Variants in FOXN4 observed in about 807,000 individuals in gnomAD.
FOXN4 encodes the protein forkhead box N4, also known as forkhead box protein N4.
A neutral mutation model predicts 45.0 loss-of-function variants in FOXN4; 12 were observed. The observed-to-expected ratio is 0.27, with a 90% CI of 0.17 to 0.43. FOXN4 has a LOEUF of 0.43. Among genes scored for constraint, FOXN4 ranks in the 20% least tolerant of loss-of-function variants. FOXN4 has a pLI of 1.00. For missense variants in FOXN4, 560 were observed against 694.9 expected (o/e 0.81, Z 2.18); for synonymous variants, 297 against 295.0 (o/e 1.01, Z -0.07).
intron 7 of FOXN4, 122 bp from the exon 8 acceptor site, chr12:109,285,633 G>T: frequency 1.0e-6 from 1 of 986,402 alleles, no homozygotes; most frequent in Non-Finnish European, 1.5e-6. Flanking sequence ...GACAGTGCCT[G>T]ACACTCAGCC....
At chr12:109,303,548 G>C (rs1485280485) in intron 2 of FOXN4, among the ~76,000 whole-genome samples, 2 of 152,228 alleles carry the variant, frequency 1.3e-5, no homozygotes, top group Non-Finnish European at 2.9e-5. Flanking sequence ...CATCCAGAGA[G>C]AGGAAGGGCT....
At chr12:109,305,373 A>T (rs1345575658) in intron 2 of FOXN4, among the ~76,000 whole-genome samples, 1 of 144,346 alleles carries the variant, frequency 6.9e-6, no homozygotes, top group African/African-American at 2.5e-5. Context: ...AGCTGCTATT[A>T]TTATTGTTGT....
rs1024499131 is a variant in FOXN4, at chr12:109,291,554, C to T, written c.87-1268G>A. Among the ~76,000 whole-genome samples the T allele has an allele frequency of 2.8e-4, 43 of 152,224 alleles. No homozygotes were observed. The highest frequency in any genetic ancestry group is 1.0e-3 in the African/African-American group (42 of 41,542). ...CCTCCCTCCATCTGCTTGGCCAGCT[C>T]TGCCTCACGTTCTCCCTCTCCCTCC... is the stretch of plus-strand genomic sequence containing the variant. On this transcript the variant is annotated intron_variant, in intron 2 of 9. Coordinates refer to ENST00000299162, the MANE Select transcript of FOXN4 (RefSeq NM_213596.3). The surrounding 1 kb of genome is among the most constrained non-coding windows in gnomAD (Gnocchi z 6.6).
rs538724008 is a variant in FOXN4 at position 109,291,944 on chromosome 12, C to G, written c.87-1658G>C. Among the ~76,000 whole-genome samples, 5 of 149,146 alleles carry G rather than the reference C, an allele frequency of 3.4e-5. No homozygotes were observed. In the South Asian group the frequency reaches 1.0e-3, roughly 31 times the overall value. On this transcript the variant is annotated intron_variant, in intron 2 of 9. Transcript: ENST00000299162. This position sits in a 1 kb window ranked among gnomAD's most constrained non-coding sequence, Gnocchi z 6.6. ...CCCCGGCTGCCACCCCTCCGGCCGC[C>G]ACCCCTCCGGCTGCCACCCCTCCGG... is the stretch of plus-strand genomic sequence containing the variant.
chr12:109,296,971 C>G (rs2136937739), intron 2 of FOXN4, among the ~76,000 whole-genome samples: 1 of 152,346 alleles, frequency 6.6e-6, no homozygotes, highest in East Asian at 1.9e-4. Context: ...TCGTCACCAC[C>G]TTCCCATTTG....
chr12:109,308,683 C>T (rs1370430540), intron 1 of FOXN4, among the ~76,000 whole-genome samples: 1 of 152,140 alleles, frequency 6.6e-6, no homozygotes, highest in Non-Finnish European at 1.5e-5. Context: ...TTTTCAACCT[C>T]AGTTTGGTTA....
chr12:109,281,926 C>T (rs1413467398), intron 8 of FOXN4, 127 bp from the exon 9 acceptor site: 3 of 1,059,180 alleles, frequency 2.8e-6, no homozygotes, highest in African/African-American at 3.2e-5. Context: ...CACTCAGAAC[C>T]TCTGTCTCCT....
intron 9 of FOXN4, among the ~76,000 whole-genome samples, chr12:109,280,158 C>T (rs902383067): frequency 6.6e-6 from 1 of 152,132 alleles, no homozygotes; most frequent in African/African-American, 2.4e-5. Context: ...GCCTGGCCAA[C>T]ATGGCAAAAC....
rs1219103189 is a variant in FOXN4 at position 109,308,240 on chromosome 12, A to G, written c.82T>C (p.Tyr28His). The G allele has an allele frequency of 3.2e-6, 5 of 1,550,082 alleles. No homozygotes were observed. Among genetic ancestry groups the G allele is most frequent in the Non-Finnish European group, 4.4e-6 (5 of 1,145,366 alleles). ...GQNHHPSPQE[Y>H]RLLATTSDDD... ...TGTTATTGTTGGAGCCCTCACCTGT[A>G]TTCCTGTGGAGAGGGGTGGTGATTT... The change falls in exon 2 of 10, where the codon TAC (tyrosine) becomes CAC (histidine). Residue 28 changes from tyrosine (Y) to histidine (H), a missense_variant. Physicochemically the swap from Tyr to His is moderately conservative, Grantham distance 83 (BLOSUM62 2). Transcript: ENST00000299162.
chr12:109,282,107 C>T (rs971881369), intron 8 of FOXN4, among the ~76,000 whole-genome samples: 3 of 152,172 alleles, frequency 2.0e-5, no homozygotes, highest in African/African-American at 7.2e-5. Context: ...CCTCTGCACA[C>T]GGTTGTTGTG....
intron 8 of FOXN4, among the ~76,000 whole-genome samples, chr12:109,284,725 TGGC>T (rs1160817016): frequency 6.6e-6 from 1 of 151,960 alleles, no homozygotes; most frequent in African/African-American, 2.4e-5. Context: ...CTCCGGTGGA[TGGC>T]GGCCAGGTCC....
chr12:109,286,011 G>A (rs1478595190), intron 7 of FOXN4, among the ~76,000 whole-genome samples: 1 of 151,910 alleles, frequency 6.6e-6, no homozygotes, highest in East Asian at 1.9e-4. Context: ...GACTACAGTC[G>A]TGCACCACCA....
intron 2 of FOXN4, among the ~76,000 whole-genome samples, chr12:109,305,899 C>T (rs943899432): frequency 1.3e-5 from 2 of 152,148 alleles, no homozygotes; most frequent in Non-Finnish European, 2.9e-5. Flanking sequence ...CTGACCCCTG[C>T]TAGCTCGGCA....
rs75148933 is a variant in FOXN4, at chr12:109,287,858, G to A, written c.454C>T (p.Pro152Ser). ...PATQPQFPLP[P>S]GAQQCPPVGL... ...GCCCTTGGTACCTGCTGGGCACCCG[G>A]GGGGAGCGGGAACTGTGGTTGGGTG... is the stretch of plus-strand genomic sequence containing the variant. The change falls in exon 5 of 10, where the codon CCG (proline) becomes TCG (serine). Residue 152 changes from proline (P) to serine (S), a missense_variant. Transcript: ENST00000299162. This position sits in a 1 kb window ranked among gnomAD's most constrained non-coding sequence, Gnocchi z 4.1. 0.038 allele frequency: 58,510 copies of A among 1,549,846 alleles called. 1,250 individuals carry two copies. Among genetic ancestry groups the A allele is most frequent in the Middle Eastern group, 0.048 (261 of 5,402 alleles).
chr12:109,285,249 G>C (rs1258461444), intron 8 of FOXN4, 55 bp downstream of exon 8: 3 of 1,454,430 alleles, frequency 2.1e-6, no homozygotes, highest in African/African-American at 3.0e-5. Flanking sequence ...TCTTCCGTGT[G>C]TGTGTGTGTG....
intron 8 of FOXN4, among the ~76,000 whole-genome samples, chr12:109,284,932 C>T (rs1357674508): frequency 3.1e-5 from 4 of 130,184 alleles, no homozygotes; most frequent in African/African-American, 1.2e-4. Flanking sequence ...GTGCGTGCTG[C>T]AAGCTGTCTG....
Position 109,291,092 on chromosome 12 carries a change from C to A in FOXN4, c.87-806G>T, listed in dbSNP as rs1770663671. On this transcript the variant is annotated intron_variant, in intron 2 of 9. Coordinates refer to ENST00000299162, the MANE Select transcript of FOXN4 (RefSeq NM_213596.3). This position sits in a 1 kb window ranked among gnomAD's most constrained non-coding sequence, Gnocchi z 6.6. Reference sequence around the variant, plus strand: ...GCCCTTCAACTCGACCCCTGGTGGTCCCAAGAGGCTCCAGTTAGGACCCAC... The same window carrying A: ...GCCCTTCAACTCGACCCCTGGTGGTACCAAGAGGCTCCAGTTAGGACCCAC... Among the ~76,000 whole-genome samples, 8 of 152,156 alleles carry A rather than the reference C, an allele frequency of 5.3e-5. No homozygotes were observed. The highest frequency in any genetic ancestry group is 5.2e-4 in the Admixed American group (8 of 15,280).
intron 7 of FOXN4, among the ~76,000 whole-genome samples, chr12:109,286,083 CAT>C (rs1486492481): frequency 1.3e-5 from 2 of 152,166 alleles, no homozygotes; most frequent in Admixed American, 6.5e-5. Flanking sequence ...CACATGTGTA[CAT>C]GTGTGCACAC....
At position 109,280,318 on chromosome 12, in the gene FOXN4, G is replaced by T. The variant is rs370256197; in HGVS notation, c.1295-388C>A. Among the ~76,000 whole-genome samples the T allele has an allele frequency of 3.5e-5, 5 of 144,054 alleles. No individual in the cohort carries two copies. In the East Asian group the frequency reaches 1.0e-3, roughly 29 times the overall value. 94.5% of individuals were successfully genotyped at this position (144,054 alleles called of 152,430 possible). A position where few individuals can be genotyped will look rare whatever the true frequency, so the allele number is the denominator to read the frequency against. ...AGATTGTGCCACTGCGCTACAGCCT[G>T]GGTGACAGAGTGAGACTCCACCTCA... On this transcript the variant is annotated intron_variant, in intron 9 of 9. Transcript: ENST00000299162.
Sources: gnomAD v4.1 joint callset for allele counts (sites outside exome capture counted in the v4.1 genomes callset) on GRCh38, gnomAD v4.1.1 for gene constraint, Gnocchi (gnomAD v3.1) non-coding constraint, MANE v1.5 for transcripts, NCBI Gene and HGNC (gene_info 2026-07-23, HGNC 2026-07-21) for gene names.